The following COL14A1 variants were observed in gnomAD, a reference collection of about 807,000 sequenced individuals.
COL14A1 encodes the protein collagen type XIV alpha 1 chain.
COL14A1 carries 136 observed loss-of-function variants against 230.3 expected under a neutral mutation model. The observed-to-expected ratio is 0.59, with a 90% confidence interval of 0.51 to 0.68. The LOEUF is 0.68. COL14A1 is among the 30% of genes least tolerant of loss of function. The pLI, the probability that COL14A1 is intolerant of heterozygous loss-of-function variation, is 0.00. For missense variants in COL14A1, 1,976 were observed against 2,215.8 expected (o/e 0.89, Z 2.17); for synonymous variants, 792 against 784.1 (o/e 1.01, Z -0.17).
intron 5 of COL14A1, among the ~76,000 whole-genome samples, chr8:120,187,637 G>T (rs910290506): frequency 6.6e-6 from 1 of 152,132 alleles, no homozygotes; most frequent in Non-Finnish European, 1.5e-5. Context: ...CAATAAAATT[G>T]GTGTAAAATT....
intron 21 of COL14A1, 81 bp downstream of exon 21, chr8:120,247,816 C>T: frequency 6.7e-7 from 1 of 1,492,890 alleles, no homozygotes; most frequent in Non-Finnish European, 9.1e-7. Context: ...TTTCTTATAA[C>T]ACCTTATGTT....
chr8:120,327,717 A>C (rs944775924), intron 40 of COL14A1, among the ~76,000 whole-genome samples: 2 of 152,142 alleles, frequency 1.3e-5, no homozygotes, highest in Non-Finnish European at 2.9e-5. Context: ...TCGATGTGAT[A>C]AGTAGAGCAG....
chr8:120,305,122 G>A (rs1222929262), intron 36 of COL14A1, among the ~76,000 whole-genome samples: 2 of 151,946 alleles, frequency 1.3e-5, no homozygotes, highest in African/African-American at 4.8e-5. Flanking sequence ...GGGATTACAG[G>A]CATGTGCCAC....
At chr8:120,189,220 A>T (rs1816738387) in intron 5 of COL14A1, among the ~76,000 whole-genome samples, 1 of 152,220 alleles carries the variant, frequency 6.6e-6, no homozygotes, top group African/African-American at 2.4e-5. Context: ...AAACCTGTTG[A>T]TGGGACAAAC....
chr8:120,316,382 G>A (rs192134314), intron 40 of COL14A1, among the ~76,000 whole-genome samples: 1 of 152,096 alleles, frequency 6.6e-6, no homozygotes, highest in Admixed American at 6.5e-5. Context: ...TCTGTAGTAT[G>A]GCTTACATGG....
At chr8:120,319,313 T>C (rs1379773059) in intron 40 of COL14A1, among the ~76,000 whole-genome samples, 1 of 151,952 alleles carries the variant, frequency 6.6e-6, no homozygotes, top group African/African-American at 2.4e-5. Flanking sequence ...TGCACCATCA[T>C]GTCTGGCTAA....
chr8:120,305,575 C>T (rs543947469), intron 36 of COL14A1, among the ~76,000 whole-genome samples: 3 of 152,034 alleles, frequency 2.0e-5, no homozygotes, highest in South Asian at 2.1e-4. Flanking sequence ...CAAGATTTTG[C>T]TTTTAATCCA....
chr8:120,255,385 G>T, intron 23 of COL14A1, 29 bp downstream of exon 23: 3 of 1,505,650 alleles, frequency 2.0e-6, no homozygotes, highest in Non-Finnish European at 2.8e-6. Context: ...TTACGTTTTT[G>T]TCAAGCATTT....
chr8:120,311,643 A>AT (rs1474060290), intron 37 of COL14A1, among the ~76,000 whole-genome samples: 15 of 152,254 alleles, frequency 9.9e-5, no homozygotes, highest in Admixed American at 2.0e-4. Context: ...AGTATGTATG[A>AT]TTTTTTATTT....
chr8:120,143,356 C>T (rs924420274), intron 1 of COL14A1, among the ~76,000 whole-genome samples: 2 of 152,140 alleles, frequency 1.3e-5, no homozygotes, highest in African/African-American at 2.4e-5. Flanking sequence ...CAGTGGCTCA[C>T]GCCTGTAAAC....
intron 45 of COL14A1, among the ~76,000 whole-genome samples, chr8:120,355,253 G>A (rs1200194908): frequency 6.6e-6 from 1 of 151,866 alleles, no homozygotes; most frequent in Admixed American, 6.6e-5. Context: ...ATCTGTTTTT[G>A]TTTACTCAAT....
intron 5 of COL14A1, among the ~76,000 whole-genome samples, chr8:120,174,749 G>A (rs961039904): frequency 2.6e-5 from 4 of 152,188 alleles, no homozygotes; most frequent in Non-Finnish European, 4.4e-5. Flanking sequence ...CATGAGGTGT[G>A]TGCCAGGGCA....
chr8:120,286,089 G>A (rs936970329), intron 33 of COL14A1, 119 bp downstream of exon 33: 6 of 655,120 alleles, frequency 9.2e-6, no homozygotes, highest in African/African-American at 1.9e-5. Flanking sequence ...AATTTCCTTT[G>A]TGCTTGTTAA....
rs1363174387 is a variant in COL14A1, at chr8:120,162,459, C to T, written c.239C>T (p.Thr80Ile). The T allele has an allele frequency of 3.1e-6, 5 of 1,611,322 alleles. No individual in the cohort carries two copies. The highest frequency in any genetic ancestry group is 4.2e-6 in the Non-Finnish European group (5 of 1,178,960). Residue 80 changes from threonine to isoleucine, a missense_variant, in exon 4 of 48, where the codon ACT becomes ATT. By Grantham distance (89) the Thr-to-Ile change is moderately conservative. This residue lies in a region of COL14A1 where 181 missense variants were observed against 178.6 expected (regional missense o/e 1.01). Coordinates refer to ENST00000297848, the MANE Select transcript of COL14A1 (RefSeq NM_021110.4). ...GKTNQLNLQN[T>I]ATKAIIQGLM... ...ACTAACCAGCTGAATCTGCAGAACA[C>T]TGCAACTAAAGCAATTATTCAAGGC... is the stretch of plus-strand genomic sequence containing the variant.
chr8:120,341,159 G>T (rs1192761143), intron 42 of COL14A1, among the ~76,000 whole-genome samples, 166 bp from the exon 43 acceptor site: 5 of 152,204 alleles, frequency 3.3e-5, no homozygotes, highest in Non-Finnish European at 1.5e-5. Context: ...TTTATGTTTG[G>T]TGTGCGTACT....
chr8:120,173,648 C>CTCTATCTATCTATCTATCTA (rs59734398), intron 5 of COL14A1, among the ~76,000 whole-genome samples: 17 of 146,364 alleles, frequency 1.2e-4, no homozygotes, highest in Non-Finnish European at 1.8e-4. Context: ...TATTATCTGT[C>CTCTATCTATCTATCTATCTA]TCTATCTATC....
intron 34 of COL14A1, among the ~76,000 whole-genome samples, chr8:120,292,863 T>C (rs1018380093): frequency 6.6e-6 from 1 of 152,038 alleles, no homozygotes; most frequent in African/African-American, 2.4e-5. Flanking sequence ...GAAGATAGAT[T>C]AATGCATTTA....
intron 5 of COL14A1, among the ~76,000 whole-genome samples, chr8:120,180,701 C>CTTTTTTTTT (rs34377563): frequency 4.8e-5 from 4 of 83,536 alleles, no homozygotes; most frequent in Admixed American, 3.4e-4. Context: ...GGTAGGAAGC[C>CTTTTTTTTT]TTTTTTTTTT....
intron 23 of COL14A1, among the ~76,000 whole-genome samples, 161 bp from the exon 24 acceptor site, chr8:120,262,707 C>T (rs981291281): frequency 6.6e-6 from 1 of 152,106 alleles, no homozygotes; most frequent in African/African-American, 2.4e-5. Flanking sequence ...TATATTAACT[C>T]TTTGGAAGAA....
Sources: allele counts gnomAD v4.1 joint callset (sites outside exome capture counted in the v4.1 genomes callset), GRCh38; gene constraint gnomAD v4.1.1; regional missense constraint gnomAD v4.1.1; transcripts MANE v1.5; gene names NCBI Gene and HGNC (gene_info 2026-07-23, HGNC 2026-07-21).